Variants in GNG12 observed in about 807,000 individuals in gnomAD.
GNG12 encodes the protein G protein subunit gamma 12, also known as guanine nucleotide-binding protein G(I)/G(S)/G(O) subunit gamma-12.
For missense variants in GNG12, 69 were observed against 83.8 expected, an observed-to-expected ratio of 0.82 and a Z score of 0.69; for synonymous variants, 28 against 29.7, an observed-to-expected ratio of 0.94 and a Z score of 0.19.
At chr1:67,706,773 A>C (rs1444519441) in intron 3 of GNG12, among the ~76,000 whole-genome samples, 1 of 150,396 alleles carries the variant, frequency 6.6e-6, no homozygotes, top group Non-Finnish European at 1.5e-5. Context: ...CTCCTGCCTC[A>C]GCCTTCCGAG....
At chr1:67,791,732 TAA>T in intron 1 of GNG12, among the ~76,000 whole-genome samples, 1 of 152,254 alleles carries the variant, frequency 6.6e-6, no homozygotes, top group Admixed American at 6.5e-5. Context: ...CTGGATGACT[TAA>T]AGAGTTCCCT....
intron 1 of GNG12, among the ~76,000 whole-genome samples, chr1:67,814,413 T>C (rs529352254): frequency 1.3e-4 from 20 of 152,198 alleles, no homozygotes; most frequent in Non-Finnish European, 2.1e-4. Context: ...TAATAACCAT[T>C]AGCAAAACTG....
intron 2 of GNG12, among the ~76,000 whole-genome samples, chr1:67,764,892 G>C (rs922960391): frequency 6.6e-6 from 1 of 152,158 alleles, no homozygotes; most frequent in African/African-American, 2.4e-5. Flanking sequence ...AGAACACAGA[G>C]GAATCGTCCA....
At chr1:67,772,636 A>G (rs1267556259) in intron 2 of GNG12, 9 of 152,164 alleles carry the variant, frequency 5.9e-5, no homozygotes, top group East Asian at 1.9e-4. Flanking sequence ...GACAAATTCT[A>G]AAAGAGCTGT....
At chr1:67,814,307 G>A (rs900804246) in intron 1 of GNG12, among the ~76,000 whole-genome samples, 2 of 152,260 alleles carry the variant, frequency 1.3e-5, no homozygotes, top group East Asian at 1.9e-4. Flanking sequence ...CTTTAATTCT[G>A]TCATTTTTCC....
At chr1:67,736,273 T>C (rs1646451877) in intron 2 of GNG12, among the ~76,000 whole-genome samples, 1 of 151,420 alleles carries the variant, frequency 6.6e-6, no homozygotes, top group Non-Finnish European at 1.5e-5. Context: ...AGCGTGAGAG[T>C]GTACAACAAC....
intron 2 of GNG12, among the ~76,000 whole-genome samples, chr1:67,749,456 G>C (rs1479371041): frequency 2.6e-5 from 4 of 152,176 alleles, no homozygotes. Flanking sequence ...TGCTACTGAT[G>C]ATGATGTAAA....
intron 2 of GNG12, among the ~76,000 whole-genome samples, chr1:67,717,889 T>TA (rs1457105218): frequency 6.6e-6 from 1 of 152,350 alleles, no homozygotes; most frequent in East Asian, 1.9e-4. Context: ...CATCACTTAT[T>TA]ACGCTAAGTT....
At chr1:67,722,944 T>C (rs1161365381) in intron 2 of GNG12, among the ~76,000 whole-genome samples, 2 of 152,140 alleles carry the variant, frequency 1.3e-5, no homozygotes, top group African/African-American at 4.8e-5. Flanking sequence ...GCCCTCAGAT[T>C]CTCTATCTGT....
At chr1:67,738,276 T>C (rs1646463526) in intron 2 of GNG12, among the ~76,000 whole-genome samples, 1 of 152,220 alleles carries the variant, frequency 6.6e-6, no homozygotes, top group African/African-American at 2.4e-5. Context: ...ATTTTTTTTG[T>C]TTTGAACAAT....
At chr1:67,727,993 C>T (rs535873496) in intron 2 of GNG12, among the ~76,000 whole-genome samples, 1 of 152,246 alleles carries the variant, frequency 6.6e-6, no homozygotes, top group South Asian at 2.1e-4. Context: ...TCTAATAATT[C>T]CCTGGACCTT....
At chr1:67,792,830 C>A (rs762901805) in intron 1 of GNG12, among the ~76,000 whole-genome samples, 32 of 152,170 alleles carry the variant, frequency 2.1e-4, no homozygotes, top group Non-Finnish European at 2.9e-4. Flanking sequence ...AGTTCAGGCC[C>A]CTTCTGCCAG....
chr1:67,755,898 T>A (rs1195810040), intron 2 of GNG12, among the ~76,000 whole-genome samples: 2 of 152,166 alleles, frequency 1.3e-5, no homozygotes, highest in Non-Finnish European at 2.9e-5. Flanking sequence ...TTTGTTTATA[T>A]GACAGCCTTG....
intron 1 of GNG12, among the ~76,000 whole-genome samples, chr1:67,814,899 G>A (rs1282804343): frequency 6.6e-6 from 1 of 152,144 alleles, no homozygotes; most frequent in African/African-American, 2.4e-5. Flanking sequence ...TTGCCCTAAT[G>A]GAGTTGTAAT....
chr1:67,784,688 C>T (rs927315254), intron 1 of GNG12, among the ~76,000 whole-genome samples: 9 of 152,036 alleles, frequency 5.9e-5, no homozygotes, highest in African/African-American at 1.4e-4. Flanking sequence ...TTCTTTATAG[C>T]GCACAGTAAT....
At chr1:67,801,229 C>T (rs917713691) in intron 1 of GNG12, among the ~76,000 whole-genome samples, 1 of 152,162 alleles carries the variant, frequency 6.6e-6, no homozygotes, top group African/African-American at 2.4e-5. Context: ...CCTATGCATC[C>T]CTGCCAAGGA....
At chr1:67,719,039 CA>C (rs762264435) in intron 2 of GNG12, among the ~76,000 whole-genome samples, 1,889 of 152,234 alleles carry the variant, frequency 0.012, 33 homozygotes, top group African/African-American at 0.044. Context: ...TGTCTTGTGT[CA>C]AACAGCTAGC....
chr1:67,778,307 C>G (rs1012889964), intron 1 of GNG12, among the ~76,000 whole-genome samples: 3 of 152,080 alleles, frequency 2.0e-5, no homozygotes, highest in African/African-American at 7.2e-5. Context: ...TTCAGTACGT[C>G]TCAACTTGAG....
intron 2 of GNG12, among the ~76,000 whole-genome samples, chr1:67,712,524 T>C (rs751920938): frequency 2.0e-5 from 3 of 152,118 alleles, no homozygotes; most frequent in Non-Finnish European, 2.9e-5. Flanking sequence ...AACTAGTCTC[T>C]ACAAATAATA....
Sources: gnomAD v4.1 joint callset for allele counts (sites outside exome capture counted in the v4.1 genomes callset) on GRCh38, gnomAD v4.1.1 for gene constraint, MANE v1.5 for transcripts, NCBI Gene and HGNC (gene_info 2026-07-23, HGNC 2026-07-21) for gene names.